Variants in GRAP2 observed in about 807,000 individuals in gnomAD.
GRAP2 encodes GRB2 related adaptor protein 2, also known as GRB2-related adapter protein 2.
Under a neutral mutation model 43.5 loss-of-function variants are expected in GRAP2, and 31 were observed. The ratio of observed to expected loss-of-function variants is 0.71; its 90% CI spans 0.54 to 0.96. The LOEUF (loss-of-function observed/expected upper bound fraction) is 0.96, where lower values mean the gene tolerates loss of function less well. Ranked by LOEUF, GRAP2 falls within the 40% of genes least tolerant of loss-of-function variation. GRAP2 has a pLI of 0.00. For synonymous variants in GRAP2, 156 were observed against 164.8 expected (o/e 0.95, Z 0.41); for missense variants, 371 against 424.4 (o/e 0.87, Z 1.11).
At chr22:39,922,625 T>C (rs1471825362) in intron 1 of GRAP2, among the ~76,000 whole-genome samples, 1 of 151,610 alleles carries the variant, frequency 6.6e-6, no homozygotes, top group African/African-American at 2.4e-5. Context: ...CTGGAAGCAA[T>C]GAGGAGGGGA....
chr22:39,960,091 G>A lies in GRAP2; in HGVS notation c.207G>A (p.Glu69=), dbSNP rs1373500907. The change falls in exon 4 of 8, where the codon GAG becomes GAA. Residue 69 remains glutamate, a synonymous_variant. Coordinates refer to ENST00000344138, the MANE Select transcript of GRAP2 (RefSeq NM_004810.4). Reference sequence around the variant, plus strand: ...AAGGCCTCTCTCGACACCAGGCAGAGAACTTACTCATGGGCAAGGAGGTTG... The same window carrying A: ...AAGGCCTCTCTCGACACCAGGCAGAAAACTTACTCATGGGCAAGGAGGTTG... The part of the protein sequence containing the change: ...FHEGLSRHQA[E]NLLMGKEVGF... 3.1e-6 allele frequency: 5 copies of A among 1,613,206 alleles called. No individual in the cohort carries two copies. Among genetic ancestry groups the A allele is most frequent in the African/African-American group, 2.7e-5 (2 of 74,904 alleles).
chr22:39,967,150 T>G (rs763006180), intron 5 of GRAP2, among the ~76,000 whole-genome samples: 1 of 152,252 alleles, frequency 6.6e-6, no homozygotes, highest in Non-Finnish European at 1.5e-5. Flanking sequence ...GAAAGCAATG[T>G]GTGCTTTGGG....
At chr22:39,947,033 T>C (rs2066929466) in intron 1 of GRAP2, 60 bp from the exon 2 acceptor site, 4 of 944,244 alleles carry the variant, frequency 4.2e-6, no homozygotes, top group African/African-American at 3.2e-5. Flanking sequence ...GGAAGCACCA[T>C]CGGCTCTGCT....
chr22:39,960,318 ACCT>A, intron 4 of GRAP2, 144 bp downstream of exon 4: 1 of 715,034 alleles, frequency 1.4e-6, no homozygotes, highest in Non-Finnish European at 2.4e-6. Flanking sequence ...CAGCTTCACA[ACCT>A]GCTGCTCCCA....
At chr22:39,904,842 C>T (rs2066513192) in intron 1 of GRAP2, among the ~76,000 whole-genome samples, 1 of 152,212 alleles carries the variant, frequency 6.6e-6, no homozygotes, top group Non-Finnish European at 1.5e-5. Context: ...TACGCCAGTT[C>T]TCTTGTACCA....
chr22:39,936,995 T>C (rs1419998830), intron 1 of GRAP2, among the ~76,000 whole-genome samples: 1 of 152,020 alleles, frequency 6.6e-6, no homozygotes, highest in African/African-American at 2.4e-5. Context: ...GTAGGAGGGA[T>C]TTGGTTATGT....
intron 2 of GRAP2, among the ~76,000 whole-genome samples, chr22:39,949,061 C>G (rs1330456078): frequency 2.6e-5 from 4 of 152,194 alleles, no homozygotes; most frequent in Non-Finnish European, 5.9e-5. Flanking sequence ...TGCTCTTGAA[C>G]TCCAGACCCA....
At chr22:39,897,000 C>G (rs144955174), upstream of GRAP2, among the ~76,000 whole-genome samples, 9 of 152,278 alleles carry the variant, frequency 5.9e-5, no homozygotes, top group African/African-American at 2.2e-4. Context: ...TTTGAAGGAG[C>G]CCATTCTCTA....
intron 4 of GRAP2, among the ~76,000 whole-genome samples, chr22:39,962,642 G>C (rs1231806581): frequency 6.6e-6 from 1 of 151,870 alleles, no homozygotes; most frequent in Non-Finnish European, 1.5e-5. Context: ...TTTTCAGCTA[G>C]AAACTATGGT....
intron 1 of GRAP2, among the ~76,000 whole-genome samples, chr22:39,909,575 C>G (rs981006932): frequency 6.6e-6 from 1 of 152,196 alleles, no homozygotes; most frequent in Admixed American, 6.5e-5. Flanking sequence ...GAAATTCACT[C>G]AGTCCCTAGC....
rs781122629 is a variant in GRAP2, at chr22:39,970,905, C to T, written c.814C>T (p.Arg272Ter). ...GCCTCTTCTGTGCTTCCCCCAACAG[C>T]GAGTGCGGTGGGCCCGGGCGCTGTA... Reference protein sequence around the residue: ...TDPVQLQAAGRVRWARALYDF... With the variant: ...TDPVQLQAAG Residue 272 changes from arginine (R) to a stop codon, truncating the protein, a stop_gained and splice_region_variant, in exon 8 of 8, where the codon CGA becomes TGA. Coordinates refer to ENST00000344138, the MANE Select transcript of GRAP2 (RefSeq NM_004810.4). LOFTEE classifies it high-confidence loss of function. 4.4e-6 allele frequency: 7 copies of T among 1,597,558 alleles called. No homozygotes were observed. Among genetic ancestry groups the T allele is most frequent in the African/African-American group, 1.3e-5 (1 of 74,344 alleles).
chr22:39,911,076 G>A (rs767353212), intron 1 of GRAP2, among the ~76,000 whole-genome samples: 16 of 152,104 alleles, frequency 1.1e-4, no homozygotes, highest in Admixed American at 7.2e-4. Context: ...GAGGATATGC[G>A]ACAATGAGTT....
intron 7 of GRAP2, 123 bp from the exon 8 acceptor site, chr22:39,970,782 A>G (rs1010601200): frequency 5.7e-6 from 5 of 882,278 alleles, no homozygotes; most frequent in African/African-American, 1.7e-5. Flanking sequence ...TAAGCTGCAG[A>G]GGGGTCAGCC....
chr22:39,959,785 C>T (rs530997412), intron 3 of GRAP2, among the ~76,000 whole-genome samples: 9 of 152,310 alleles, frequency 5.9e-5, no homozygotes, highest in African/African-American at 2.2e-4. Context: ...TTTGGTGCAG[C>T]GACACATTTC....
intron 1 of GRAP2, among the ~76,000 whole-genome samples, chr22:39,910,041 C>T (rs2066548717): frequency 6.6e-6 from 1 of 152,144 alleles, no homozygotes; most frequent in African/African-American, 2.4e-5. Flanking sequence ...CAATCATGTC[C>T]CTCAAAGTCT....
chr22:39,912,961 G>A (rs1003249572), intron 1 of GRAP2, among the ~76,000 whole-genome samples: 2 of 152,104 alleles, frequency 1.3e-5, no homozygotes. Context: ...GGGTGTCCGA[G>A]GCGGGTGGAT....
At chr22:39,924,517 A>G (rs1036620963) in intron 1 of GRAP2, among the ~76,000 whole-genome samples, 3 of 152,226 alleles carry the variant, frequency 2.0e-5, no homozygotes, top group African/African-American at 7.2e-5. Context: ...CCTGGCCAAC[A>G]TAGTGAAACC....
At chr22:39,923,418 T>C (rs1369021805) in intron 1 of GRAP2, among the ~76,000 whole-genome samples, 1 of 152,212 alleles carries the variant, frequency 6.6e-6, no homozygotes, top group African/African-American at 2.4e-5. Context: ...CATTTTTCAT[T>C]TTCTGGCAAT....
In GRAP2 at chr22:39,901,158, C is replaced by T. The variant is rs2066490048; in HGVS notation, c.-187C>T. Reference sequence around the variant, plus strand: ...GGAGGAGGAGGCACAGTTAATGGATCTGTAAACTTGCACCCTCTTTCAGAG... The same window carrying T: ...GGAGGAGGAGGCACAGTTAATGGATTTGTAAACTTGCACCCTCTTTCAGAG... On this transcript the variant is annotated 5_prime_UTR_variant, in exon 1 of 8. Transcript: ENST00000344138. 1 of 504,180 alleles carries T rather than the reference C, an allele frequency of 2.0e-6. No homozygotes were observed. The highest frequency in any genetic ancestry group is 2.0e-5 in the African/African-American group (1 of 50,916). 31.2% of individuals were successfully genotyped at this position (504,180 alleles called of 1,614,324 possible). A position where few individuals can be genotyped will look rare whatever the true frequency, so the allele number is the denominator to read the frequency against.
Sources: allele counts gnomAD v4.1 joint callset (sites outside exome capture counted in the v4.1 genomes callset), GRCh38; gene constraint gnomAD v4.1.1; transcripts MANE v1.5; gene names NCBI Gene and HGNC (gene_info 2026-07-23, HGNC 2026-07-21).